KCNAB1: variants seen among roughly 807,000 people sequenced by gnomAD.
The protein encoded by KCNAB1 is potassium voltage-gated channel subfamily A regulatory beta subunit 1, also known as voltage-gated potassium channel subunit beta-1.
In KCNAB1, 35 loss-of-function variants were observed where a neutral mutation model predicts 64.6. That is an observed-to-expected ratio of 0.54 (90% CI 0.41 to 0.72). The LOEUF (loss-of-function observed/expected upper bound fraction) is 0.72. KCNAB1 is among the 30% of genes least tolerant of loss of function. The pLI, the probability that KCNAB1 is intolerant of heterozygous loss-of-function variation, is 0.00. For missense variants in KCNAB1, 401 were observed against 512.9 expected (o/e 0.78, Z 2.11); for synonymous variants, 177 against 183.8 (o/e 0.96, Z 0.30).
chr3:156,310,542 G>A (rs553838977), intron 1 of KCNAB1, among the ~76,000 whole-genome samples: 45 of 152,238 alleles, frequency 3.0e-4, no homozygotes, highest in African/African-American at 8.4e-4. Context: ...GGTGGCTTAC[G>A]CCTGTAATCC....
intron 1 of KCNAB1, among the ~76,000 whole-genome samples, chr3:156,239,273 G>T (rs537762336): frequency 6.6e-6 from 1 of 152,178 alleles, no homozygotes; most frequent in East Asian, 1.9e-4. Flanking sequence ...TCATTGGGCA[G>T]CACACTGTTT....
At chr3:156,415,338 CA>C (rs544076349) in intron 1 of KCNAB1, among the ~76,000 whole-genome samples, 33 of 152,324 alleles carry the variant, frequency 2.2e-4, no homozygotes, top group Non-Finnish European at 4.1e-4. Context: ...TAACTGTCAA[CA>C]AAAGTAGTGT....
chr3:156,218,281 G>A (rs1368647314), intron 1 of KCNAB1, among the ~76,000 whole-genome samples: 6 of 152,230 alleles, frequency 3.9e-5, no homozygotes, highest in South Asian at 2.1e-4. Context: ...ATCCCCCTGC[G>A]AATATAACTC....
chr3:156,400,901 A>G (rs1026133383), intron 1 of KCNAB1, among the ~76,000 whole-genome samples: 5 of 152,132 alleles, frequency 3.3e-5, no homozygotes, highest in African/African-American at 1.2e-4. Flanking sequence ...TGTACTCACC[A>G]TGTCATAGAA....
chr3:156,162,551 C>T (rs1560114577), intron 1 of KCNAB1, among the ~76,000 whole-genome samples: 2 of 152,242 alleles, frequency 1.3e-5, no homozygotes, highest in East Asian at 3.9e-4. Context: ...ACGGATGTTA[C>T]TAAGACCTGG....
chr3:156,399,442 A>G (rs1251604087), intron 1 of KCNAB1, among the ~76,000 whole-genome samples: 3 of 152,202 alleles, frequency 2.0e-5, no homozygotes, highest in Non-Finnish European at 4.4e-5. Flanking sequence ...AATATGTGCT[A>G]GGAATCCCTA....
At chr3:156,263,362 T>C (rs1718532078) in intron 1 of KCNAB1, among the ~76,000 whole-genome samples, 1 of 152,052 alleles carries the variant, frequency 6.6e-6, no homozygotes, top group South Asian at 2.1e-4. Context: ...AAATTTCCTC[T>C]GTTATTTCTT....
chr3:156,255,636 C>T (rs1718060198), intron 1 of KCNAB1, among the ~76,000 whole-genome samples: 1 of 152,176 alleles, frequency 6.6e-6, no homozygotes, highest in Non-Finnish European at 1.5e-5. Context: ...TCTGTTCATG[C>T]CCTACCCTGA....
chr3:156,405,594 T>G (rs1355500845), intron 1 of KCNAB1, among the ~76,000 whole-genome samples: 1 of 152,244 alleles, frequency 6.6e-6, no homozygotes, highest in East Asian at 1.9e-4. Flanking sequence ...ACCACCTAGA[T>G]GGACAACCAT....
At chr3:156,128,708 G>A (rs986978233) in intron 1 of KCNAB1, among the ~76,000 whole-genome samples, 2 of 152,126 alleles carry the variant, frequency 1.3e-5, no homozygotes, top group Non-Finnish European at 2.9e-5. Flanking sequence ...TGCTTTCAAT[G>A]TTTCCCAAAC....
In KCNAB1 at chr3:156,154,212, A is replaced by G. The variant is rs556731850; in HGVS notation, c.275+33326A>G. 2.1e-3 allele frequency among the ~76,000 whole-genome samples: 313 copies of G among 151,446 alleles called. 1 individual carries two copies. Among genetic ancestry groups the G allele is most frequent in the African/African-American group, 7.2e-3 (296 of 41,252 alleles). ...AGCTGATTACAGTCTGACTAAGGTCACCAGAAGTAGTGCAGATAGTAGTGC... is the reference window on the plus strand; with the variant it reads ...AGCTGATTACAGTCTGACTAAGGTCGCCAGAAGTAGTGCAGATAGTAGTGC... On this transcript the variant is annotated intron_variant, in intron 1 of 13. Transcript: ENST00000490337.
chr3:156,525,396 A>G (rs1372578266), intron 12 of KCNAB1, among the ~76,000 whole-genome samples: 1 of 152,222 alleles, frequency 6.6e-6, no homozygotes, highest in East Asian at 1.9e-4. Context: ...AGCTAAAAAA[A>G]CACTTTTTAA....
At chr3:156,193,764 G>T (rs1713713157) in intron 1 of KCNAB1, among the ~76,000 whole-genome samples, 1 of 152,140 alleles carries the variant, frequency 6.6e-6, no homozygotes, top group South Asian at 2.1e-4. Flanking sequence ...TCCTCGACAT[G>T]TGGGGCTTAT....
At chr3:156,149,184 A>G (rs1221766643) in intron 1 of KCNAB1, among the ~76,000 whole-genome samples, 7 of 152,102 alleles carry the variant, frequency 4.6e-5, no homozygotes, top group Non-Finnish European at 1.0e-4. Context: ...GACTTCTGTT[A>G]AAAGGGGAGT....
chr3:156,197,024 T>G (rs1201031177), intron 1 of KCNAB1, among the ~76,000 whole-genome samples: 1 of 152,182 alleles, frequency 6.6e-6, no homozygotes, highest in Non-Finnish European at 1.5e-5. Context: ...GCTGTTGAGT[T>G]TTGTTGAAGG....
At chr3:156,291,861 C>T (rs1720455354) in intron 1 of KCNAB1, 11 of 1,609,064 alleles carry the variant, frequency 6.8e-6, no homozygotes, top group Non-Finnish European at 9.4e-6. Context: ...TCGTGACTGC[C>T]TGTGTTCTGG....
chr3:156,287,813 A>C (rs1720182517), intron 1 of KCNAB1, among the ~76,000 whole-genome samples: 1 of 151,766 alleles, frequency 6.6e-6, no homozygotes, highest in Admixed American at 6.6e-5. Context: ...AAAAAAAAAA[A>C]CTCGAAATAC....
chr3:156,260,964 T>G (rs1416628887), intron 1 of KCNAB1, among the ~76,000 whole-genome samples: 1 of 152,182 alleles, frequency 6.6e-6, no homozygotes, highest in African/African-American at 2.4e-5. Context: ...TGTCTCATTG[T>G]GGTTTTCATT....
intron 1 of KCNAB1, among the ~76,000 whole-genome samples, chr3:156,152,229 T>A (rs4511849): frequency 0.68 from 103,963 of 152,012 alleles, 36,608 homozygotes; most frequent in East Asian, 0.85. Context: ...CCCCTGAGGG[T>A]GGGTGTTAGT....
Sources: allele counts gnomAD v4.1 joint callset (sites outside exome capture counted in the v4.1 genomes callset), GRCh38; gene constraint gnomAD v4.1.1; transcripts MANE v1.5; gene names NCBI Gene and HGNC (gene_info 2026-07-23, HGNC 2026-07-21).